OTUD7B: variants seen among roughly 807,000 people sequenced by gnomAD.
The protein encoded by OTUD7B is OTU domain-containing protein 7B.
Under a neutral mutation model 82.2 loss-of-function variants are expected in OTUD7B, and 34 were observed. That is an observed-to-expected ratio of 0.41 (90% CI 0.31 to 0.55). OTUD7B has a LOEUF of 0.55. OTUD7B is among the 20% of genes least tolerant of loss of function. The pLI, the probability that OTUD7B is intolerant of heterozygous loss-of-function variation, is 0.20. For missense variants in OTUD7B, 944 were observed against 1,062.1 expected, an observed-to-expected ratio of 0.89 and a Z score of 1.55; for synonymous variants, 398 against 402.7, an observed-to-expected ratio of 0.99 and a Z score of 0.14.
intron 3 of OTUD7B, 46 bp from the exon 4 acceptor site, chr1:149,967,567 G>A (rs781808699): frequency 1.4e-6 from 2 of 1,431,036 alleles, no homozygotes; most frequent in Admixed American, 2.0e-5. Flanking sequence ...CAGCCCACTT[G>A]GAGAACTCTA....
intron 1 of OTUD7B, among the ~76,000 whole-genome samples, chr1:149,989,702 G>A (rs587766112): frequency 7.8e-6 from 1 of 127,742 alleles, no homozygotes; most frequent in Admixed American, 9.9e-5. Context: ...TAGTGCCATT[G>A]CACTCCAGCC....
intron 1 of OTUD7B, among the ~76,000 whole-genome samples, chr1:149,983,381 CACAAT>C (rs1413098317): frequency 6.6e-6 from 1 of 152,132 alleles, no homozygotes; most frequent in Non-Finnish European, 1.5e-5. Context: ...CAACCACCTG[CACAAT>C]TCATCTAACA....
intron 1 of OTUD7B, among the ~76,000 whole-genome samples, chr1:149,978,308 A>C (rs1296360818): frequency 6.6e-6 from 1 of 152,172 alleles, no homozygotes; most frequent in Non-Finnish European, 1.5e-5. Context: ...GGAGTTTGAG[A>C]CCAGCCTGGC....
At chr1:150,008,258 A>G (rs1652795781) in intron 1 of OTUD7B, among the ~76,000 whole-genome samples, 1 of 152,240 alleles carries the variant, frequency 6.6e-6, no homozygotes, top group Non-Finnish European at 1.5e-5. Context: ...AATAGAATTT[A>G]CCCAGATATC....
chr1:150,013,542 T>C (rs1324502948), upstream of OTUD7B, among the ~76,000 whole-genome samples: 4 of 152,064 alleles, frequency 2.6e-5, no homozygotes, highest in Non-Finnish European at 5.9e-5. Flanking sequence ...TTTTAAAAAC[T>C]ACATATTATA....
intron 1 of OTUD7B, among the ~76,000 whole-genome samples, chr1:149,993,434 T>C (rs922233920): frequency 6.6e-6 from 1 of 152,190 alleles, no homozygotes; most frequent in Admixed American, 6.5e-5. Context: ...AATGGACTGG[T>C]TCCAGAGAAA....
upstream of OTUD7B, among the ~76,000 whole-genome samples, chr1:150,012,610 C>T (rs1475584317): frequency 6.6e-6 from 1 of 151,642 alleles, no homozygotes. Flanking sequence ...CAAAGGCACT[C>T]TACCCTCAAT....
chr1:150,043,823 G>A, the OTUD7B span, among the ~76,000 whole-genome samples: 1 of 152,142 alleles, frequency 6.6e-6, no homozygotes, highest in African/African-American at 2.4e-5. Flanking sequence ...ATAAAAACAA[G>A]CCTGAGGCTA....
chr1:149,971,164 T>G lies in OTUD7B; in HGVS notation c.173A>C (p.Glu58Ala). 1 of 1,613,514 alleles carries G rather than the reference T, an allele frequency of 6.2e-7. No homozygotes were observed. Among genetic ancestry groups the G allele is most frequent in the Non-Finnish European group, 8.5e-7 (1 of 1,179,518 alleles). Residue 58 changes from glutamate to alanine, a missense_variant, in exon 3 of 12, where the codon GAG (glutamate) becomes GCG (alanine). Physicochemically the swap from Glu to Ala is moderately radical, Grantham distance 107. Around this residue, in one of 3 missense-constraint regions of OTUD7B, gnomAD observed 530 missense variants for 625.6 expected, o/e 0.85. Coordinates refer to ENST00000581312, the MANE Select transcript of OTUD7B (RefSeq NM_020205.4). ...AGGGGTCCTGGAGCCACCACTCCCC[T>G]CACTAAAGGATGGGGGTAGGTTTCC... ...HAGNLPPSFS[E>A]GSGGSRTPEK...
chr1:149,946,781 G>A (rs587768435), intron 11 of OTUD7B, among the ~76,000 whole-genome samples: 50 of 144,310 alleles, frequency 3.5e-4, no homozygotes, highest in African/African-American at 1.3e-3. Flanking sequence ...GGCCAGGCGC[G>A]GTGGCTCACA....
chr1:150,051,106 G>T, the OTUD7B span, among the ~76,000 whole-genome samples: 2 of 151,338 alleles, frequency 1.3e-5, no homozygotes, highest in South Asian at 4.2e-4. Context: ...GCAGGAGCCT[G>T]TAATCCCAGC....
Position 149,950,209 on chromosome 1 carries a change from A to G in OTUD7B, c.858T>C (p.Ser286=). Residue 286 remains serine, a synonymous_variant, in exon 8 of 12, where the codon TCT becomes TCC. Coordinates refer to ENST00000581312, the MANE Select transcript of OTUD7B (RefSeq NM_020205.4). ...CAAGGCTCTCATATACAGGCTCCTC[A>G]GAACTCTCCACCCTGGAACGACGGG... ...NGANCGGVES[S]EEPVYESLEE... 1 of 1,614,148 alleles carries G rather than the reference A, an allele frequency of 6.2e-7. No individual in the cohort carries two copies. The highest frequency in any genetic ancestry group is 2.2e-5 in the East Asian group (1 of 44,876).
chr1:150,012,648 A>C (rs781981107), upstream of OTUD7B, among the ~76,000 whole-genome samples: 1 of 152,224 alleles, frequency 6.6e-6, no homozygotes, highest in African/African-American at 2.4e-5. Context: ...GGCAGTGACC[A>C]TAGAAGGTCT....
intron 3 of OTUD7B, 139 bp from the exon 4 acceptor site, chr1:149,967,660 C>G (rs1649610075): frequency 1.8e-6 from 1 of 569,560 alleles, no homozygotes; most frequent in Non-Finnish European, 2.9e-6. Context: ...ATTTCAGAAC[C>G]CTTTTTCTGA....
chr1:149,971,175 T>A lies in OTUD7B; in HGVS notation c.162A>T (p.Pro54=), dbSNP rs782451003. The change falls in exon 3 of 12, where the codon CCA becomes CCT. Residue 54 remains proline (P), a synonymous_variant. Transcript: ENST00000581312. The part of the protein sequence containing the change: ...LRQVHAGNLP[P]SFSEGSGGSR... ...AGCCACCACTCCCCTCACTAAAGGA[T>A]GGGGGTAGGTTTCCAGCATGGACTT... 3 of 1,612,650 alleles carry A rather than the reference T, an allele frequency of 1.9e-6. No homozygotes were observed. The highest frequency in any genetic ancestry group is 1.7e-5 in the Admixed American group (1 of 59,986).
intron 1 of OTUD7B, among the ~76,000 whole-genome samples, chr1:149,986,400 A>G (rs1187040844): frequency 6.6e-6 from 1 of 152,230 alleles, no homozygotes; most frequent in Non-Finnish European, 1.5e-5. Flanking sequence ...AACATTGTTT[A>G]GCTCAGAGTA....
At chr1:150,049,579 G>GCCCTAATAA in the OTUD7B span, among the ~76,000 whole-genome samples, 1 of 151,258 alleles carries the variant, frequency 6.6e-6, no homozygotes, top group Non-Finnish European at 1.5e-5. Flanking sequence ...ACTTATTAGG[G>GCCCTAATAA]GACATTATCT....
intron 1 of OTUD7B, among the ~76,000 whole-genome samples, chr1:149,986,423 G>T (rs1651147144): frequency 6.6e-6 from 1 of 152,224 alleles, no homozygotes; most frequent in South Asian, 2.1e-4. Flanking sequence ...ATTAAAATCA[G>T]TCTGCATATT....
intron 1 of OTUD7B, among the ~76,000 whole-genome samples, chr1:149,982,031 C>A (rs1650772041): frequency 6.6e-6 from 1 of 152,104 alleles, no homozygotes; most frequent in Non-Finnish European, 1.5e-5. Context: ...CGCCTGTAGT[C>A]CCAGCTACCC....
Sources: allele counts gnomAD v4.1 joint callset (sites outside exome capture counted in the v4.1 genomes callset), GRCh38; gene constraint gnomAD v4.1.1; regional missense constraint gnomAD v4.1.1; transcripts MANE v1.5; gene names NCBI Gene and HGNC (gene_info 2026-07-23, HGNC 2026-07-21).